The following PDZD2 variants were observed in gnomAD, a reference collection of about 807,000 sequenced individuals.
The protein encoded by PDZD2 is PDZ domain-containing protein 2.
PDZD2 carries 90 observed loss-of-function variants against 220.7 expected under a neutral mutation model. The observed-to-expected ratio is 0.41, with a 90% CI of 0.34 to 0.49. PDZD2 has a LOEUF of 0.49. Among genes scored for constraint, PDZD2 ranks in the 20% least tolerant of loss-of-function variants. The pLI, the probability that PDZD2 is intolerant of heterozygous loss-of-function variation, is 0.28. For synonymous variants in PDZD2, 1,375 were observed against 1,450.5 expected, an observed-to-expected ratio of 0.95 and a Z score of 1.18; for missense variants, 3,174 against 3,608.5, an observed-to-expected ratio of 0.88 and a Z score of 3.08.
At chr5:31,822,943 T>C in intron 2 of PDZD2, 1 of 1,040,000 alleles carries the variant, frequency 9.6e-7, no homozygotes. Flanking sequence ...GGCCAGCTCC[T>C]TTCTGTTACC....
intron 1 of PDZD2, among the ~76,000 whole-genome samples, chr5:31,730,713 T>C (rs1158239805): frequency 6.6e-6 from 1 of 152,054 alleles, no homozygotes; most frequent in Non-Finnish European, 1.5e-5. Context: ...GGTCTTGGAA[T>C]GAGTCTCAAA....
chr5:31,833,709 A>G (rs10042146), intron 2 of PDZD2, among the ~76,000 whole-genome samples: 134,111 of 151,800 alleles, frequency 0.88, 59,523 homozygotes, highest in Non-Finnish European at 0.92. Flanking sequence ...ATCCATTTCA[A>G]TTACCTGGGC....
chr5:32,031,597 C>G (rs1283230417), intron 6 of PDZD2, among the ~76,000 whole-genome samples: 1 of 152,096 alleles, frequency 6.6e-6, no homozygotes, highest in Non-Finnish European at 1.5e-5. Flanking sequence ...TGAAATCTGC[C>G]ACTTTCCATA....
intron 1 of PDZD2, among the ~76,000 whole-genome samples, chr5:31,759,810 G>A (rs910986403): frequency 1.3e-5 from 2 of 152,096 alleles, no homozygotes; most frequent in South Asian, 2.1e-4. Context: ...CTCCCAAAGC[G>A]TTGGGATTAC....
Position 31,964,956 on chromosome 5 carries a change from T to A in PDZD2, c.477-18199T>A, listed in dbSNP as rs1460118903. 2.0e-5 allele frequency among the ~76,000 whole-genome samples: 3 copies of A among 152,170 alleles called. No individual in the cohort carries two copies. In the East Asian group the frequency reaches 5.8e-4, roughly 29 times the overall value. On this transcript the variant is annotated intron_variant, in intron 2 of 24. Transcript: ENST00000438447. Reference sequence around the variant, plus strand: ...CCAGGATGGTCTCGATCTCCTGACCTCGTGATCCGCCCACCTCCGCTTCCC... The same window carrying A: ...CCAGGATGGTCTCGATCTCCTGACCACGTGATCCGCCCACCTCCGCTTCCC...
intron 2 of PDZD2, among the ~76,000 whole-genome samples, chr5:31,841,827 C>G (rs1580868580): frequency 6.6e-6 from 1 of 152,012 alleles, no homozygotes; most frequent in South Asian, 2.1e-4. Flanking sequence ...AAAAATTAGC[C>G]AGGTATGGTG....
intron 1 of PDZD2, among the ~76,000 whole-genome samples, chr5:31,692,183 G>A (rs945806749): frequency 2.3e-4 from 35 of 152,262 alleles, no homozygotes; most frequent in Non-Finnish European, 4.6e-4. Context: ...GGCCCGGCGA[G>A]AAATTGAGCA....
chr5:31,689,353 A>ATATTTTTTTTTTTTTTTT, intron 1 of PDZD2, among the ~76,000 whole-genome samples: 1 of 35,142 alleles, frequency 2.8e-5, no homozygotes, highest in Non-Finnish European at 4.2e-5. Context: ...ATATATATAT[A>ATATTTTTTTTTTTTTTTT]TTTTTTTTTT....
chr5:32,084,103 A>G (rs1158110679), intron 19 of PDZD2, among the ~76,000 whole-genome samples: 1 of 152,252 alleles, frequency 6.6e-6, no homozygotes, highest in South Asian at 2.1e-4. Context: ...CTTAAGGGGA[A>G]GTTCAAAAAA....
intron 5 of PDZD2, among the ~76,000 whole-genome samples, chr5:32,007,672 C>G (rs1015654903): frequency 2.6e-5 from 4 of 152,194 alleles, no homozygotes; most frequent in Admixed American, 2.6e-4. Flanking sequence ...TCTGTTAACC[C>G]TCACGCAATG....
intron 2 of PDZD2, among the ~76,000 whole-genome samples, chr5:31,929,422 C>G (rs2150389395): frequency 6.6e-6 from 1 of 152,338 alleles, no homozygotes; most frequent in South Asian, 2.1e-4. Flanking sequence ...CCACTAGATG[C>G]CAGCAGCAAT....
At chr5:32,079,408 C>G (rs917912486) in intron 19 of PDZD2, among the ~76,000 whole-genome samples, 3 of 151,938 alleles carry the variant, frequency 2.0e-5, no homozygotes, top group African/African-American at 7.3e-5. Flanking sequence ...TCCTCCGCAA[C>G]TGTCGGCTGG....
chr5:32,070,720 G>A (rs1740657261), intron 15 of PDZD2, among the ~76,000 whole-genome samples: 1 of 152,218 alleles, frequency 6.6e-6, no homozygotes, highest in South Asian at 2.1e-4. Context: ...ATGGAGCCGG[G>A]CGCCATGGCT....
At chr5:31,787,236 A>G (rs1014033371) in intron 1 of PDZD2, among the ~76,000 whole-genome samples, 10 of 152,244 alleles carry the variant, frequency 6.6e-5, no homozygotes, top group African/African-American at 2.4e-4. Context: ...TTGAACTGCC[A>G]TTGTACAAAT....
intron 1 of PDZD2, among the ~76,000 whole-genome samples, chr5:31,671,435 G>T (rs1333770175): frequency 6.6e-6 from 1 of 152,198 alleles, no homozygotes; most frequent in Admixed American, 6.5e-5. Context: ...CTTTTCCTGT[G>T]CAATGTCATG....
chr5:31,944,962 G>C (rs1746507748), intron 2 of PDZD2, among the ~76,000 whole-genome samples: 1 of 152,270 alleles, frequency 6.6e-6, no homozygotes, highest in South Asian at 2.1e-4. Flanking sequence ...GTGCGGACCA[G>C]ATGCTCTGCG....
At chr5:31,902,170 C>T (rs1414050347) in intron 2 of PDZD2, among the ~76,000 whole-genome samples, 1 of 152,144 alleles carries the variant, frequency 6.6e-6, no homozygotes, top group Non-Finnish European at 1.5e-5. Flanking sequence ...TAAACTTTTC[C>T]AACGTTACTG....
rs1745251956 is a variant in PDZD2 at position 32,110,209 on chromosome 5, A to AACAG, written c.*2079_*2082dup. On this transcript the variant is annotated 3_prime_UTR_variant, in exon 25 of 25. Coordinates refer to ENST00000438447, the MANE Select transcript of PDZD2 (RefSeq NM_178140.4). Reference sequence around the variant, plus strand: ...ATTAATAAACGCACAGCCCTATGTGAACAGACAGGAATTTCTTGTGCAATG... The same window carrying AACAG: ...ATTAATAAACGCACAGCCCTATGTGAACAGACAGACAGGAATTTCTTGTGCAATG... The AACAG allele has an allele frequency of 6.5e-6, 1 of 152,674 alleles. No individual in the cohort carries two copies. Among genetic ancestry groups the AACAG allele is most frequent in the South Asian group, 2.1e-4 (1 of 4,834 alleles). 9.5% of individuals were successfully genotyped at this position (152,674 alleles called of 1,614,324 possible).
intron 3 of PDZD2, among the ~76,000 whole-genome samples, chr5:31,993,252 T>C (rs1751370107): frequency 6.6e-6 from 1 of 152,172 alleles, no homozygotes; most frequent in Non-Finnish European, 1.5e-5. Flanking sequence ...TGAACTACTG[T>C]GGTAAGCCAG....
Sources: allele counts gnomAD v4.1 joint callset (sites outside exome capture counted in the v4.1 genomes callset), GRCh38; gene constraint gnomAD v4.1.1; transcripts MANE v1.5; gene names NCBI Gene and HGNC (gene_info 2026-07-23, HGNC 2026-07-21).